Variants in PKD2L1 observed in about 807,000 individuals in gnomAD.
PKD2L1 encodes the protein polycystin-2-like protein 1.
In PKD2L1, 77 loss-of-function variants were observed where a neutral mutation model predicts 93.0. That is an observed-to-expected ratio of 0.83 (90% confidence interval 0.69 to 1.00). The LOEUF (loss-of-function observed/expected upper bound fraction) is 1.00. Among genes scored for constraint, PKD2L1 ranks in the 50% least tolerant of loss-of-function variants. The pLI, the probability that PKD2L1 is intolerant of heterozygous loss-of-function variation, is 0.00. For synonymous variants in PKD2L1, 390 were observed against 388.0 expected (o/e 1.01, Z -0.06); for missense variants, 977 against 990.9 (o/e 0.99, Z 0.19).
At chr10:100,297,684 G>A in intron 4 of PKD2L1, 78 bp from the exon 5 acceptor site, 1 of 985,750 alleles carries the variant, frequency 1.0e-6, no homozygotes, top group Non-Finnish European at 1.6e-6. Context: ...CATTGTCTGG[G>A]CTTTACAGGT....
chr10:100,288,671 T>C (rs886566457), intron 15 of PKD2L1, among the ~76,000 whole-genome samples, 193 bp from the exon 16 acceptor site: 2 of 151,052 alleles, frequency 1.3e-5, no homozygotes, highest in South Asian at 2.1e-4. Flanking sequence ...TTATCCTGTT[T>C]GTTAACTTTT....
intron 2 of PKD2L1, among the ~76,000 whole-genome samples, chr10:100,301,648 C>T (rs1396443233): frequency 6.6e-6 from 1 of 152,166 alleles, no homozygotes; most frequent in Non-Finnish European, 1.5e-5. Flanking sequence ...TTATCCTGTT[C>T]TCAAGGTGCC....
chr10:100,291,484 A>G (rs1261887779), intron 11 of PKD2L1, 57 bp from the exon 12 acceptor site: 12 of 1,583,060 alleles, frequency 7.6e-6, no homozygotes, highest in Non-Finnish European at 9.5e-6. Context: ...CCTCTCAGTT[A>G]TGGACTTCCT....
Position 100,322,399 on chromosome 10 carries a change from C to T in PKD2L1, c.349+6812G>A, listed in dbSNP as rs184910629. The stretch of plus-strand genomic sequence containing the variant: ...AAAATTAGCCGGGCATGGTCGTGGG[C>T]GCCTGTAATCCCAGGTACACGGGAG... On this transcript the variant is annotated intron_variant, in intron 2 of 15. Transcript: ENST00000318222. 1.9e-3 allele frequency among the ~76,000 whole-genome samples: 294 copies of T among 151,756 alleles called. 2 individuals are homozygous for T. The highest frequency in any genetic ancestry group is 6.9e-3 in the African/African-American group (284 of 41,340).
At chr10:100,321,687 GAA>G (rs1246810164) in intron 2 of PKD2L1, among the ~76,000 whole-genome samples, 2 of 1,240 alleles carry the variant, frequency 1.6e-3, no homozygotes, top group Admixed American at 7.1e-3. Flanking sequence ...AAGAAAGAAA[GAA>G]AGAAAGAAAG....
intron 2 of PKD2L1, among the ~76,000 whole-genome samples, chr10:100,325,946 G>A (rs1386430367): frequency 6.6e-6 from 1 of 152,176 alleles, no homozygotes; most frequent in Non-Finnish European, 1.5e-5. Flanking sequence ...GATAATTGGG[G>A]AAGCGCCAGA....
chr10:100,327,121 G>A (rs896397069), intron 2 of PKD2L1, among the ~76,000 whole-genome samples: 6 of 152,162 alleles, frequency 3.9e-5, no homozygotes, highest in African/African-American at 1.2e-4. Context: ...TCAGTCCAAC[G>A]TCTGGCTCAG....
At position 100,330,165 on chromosome 10, in the gene PKD2L1, G is replaced by C; in HGVS notation, c.-62C>G. The C allele has an allele frequency of 9.4e-7, 1 of 1,064,312 alleles. No individual in the cohort carries two copies. Among genetic ancestry groups the C allele is most frequent in the Non-Finnish European group, 1.4e-6 (1 of 725,312 alleles). The allele number at this position is 1,064,312 out of a possible 1,614,324, so 65.9% of individuals were successfully genotyped here. A position where few individuals can be genotyped will look rare whatever the true frequency, so the allele number is the denominator to read the frequency against. On this transcript the variant is annotated 5_prime_UTR_variant, in exon 1 of 16. Coordinates refer to ENST00000318222, the MANE Select transcript of PKD2L1 (RefSeq NM_016112.3). ...CCACTCTCAGCTAGAGGAAGAGGGA[G>C]CAGAGGCACAGCCCAGCCTAGCCAG...
chr10:100,299,986 T>C (rs1364800007), intron 2 of PKD2L1, among the ~76,000 whole-genome samples: 1 of 152,236 alleles, frequency 6.6e-6, no homozygotes, highest in African/African-American at 2.4e-5. Flanking sequence ...TACATTGTTA[T>C]TATAAAAATA....
rs766916512 is a variant in PKD2L1, at chr10:100,297,423, G to A, written c.915C>T (p.Phe305=). 13 of 1,614,148 alleles carry A rather than the reference G, an allele frequency of 8.1e-6. No homozygotes were observed. In the South Asian group the frequency reaches 1.4e-4, roughly 18 times the overall value. Residue 305 remains phenylalanine (F), a synonymous_variant, in exon 5 of 16, where the codon TTC becomes TTT. Coordinates refer to ENST00000318222, the MANE Select transcript of PKD2L1 (RefSeq NM_016112.3). The stretch of plus-strand genomic sequence containing the variant: ...GATTGATATTGGCATTGTAGACTGA[G>A]AAGTCGATGAACACCACTCGAGTGC... The part of the protein sequence containing the change: ...DRGTRVVFID[F]SVYNANINLF...
chr10:100,302,070 T>A (rs939741268), intron 2 of PKD2L1, among the ~76,000 whole-genome samples: 1 of 152,282 alleles, frequency 6.6e-6, no homozygotes, highest in South Asian at 2.1e-4. Context: ...CCTGACCTCA[T>A]GTGATCCGCC....
At chr10:100,314,186 C>A (rs1163442591) in intron 2 of PKD2L1, among the ~76,000 whole-genome samples, 1 of 152,068 alleles carries the variant, frequency 6.6e-6, no homozygotes, top group African/African-American at 2.4e-5. Flanking sequence ...TCCTGAAACA[C>A]CTTTATCAAA....
At chr10:100,322,880 T>C (rs1008887997) in intron 2 of PKD2L1, among the ~76,000 whole-genome samples, 1 of 152,250 alleles carries the variant, frequency 6.6e-6, no homozygotes, top group Non-Finnish European at 1.5e-5. Flanking sequence ...GATTCCTCTT[T>C]CTTCACTTGC....
intron 2 of PKD2L1, among the ~76,000 whole-genome samples, chr10:100,305,652 G>A (rs900706933): frequency 1.3e-5 from 2 of 152,256 alleles, no homozygotes; most frequent in African/African-American, 4.8e-5. Context: ...CCTACACAGC[G>A]TGAAGGTAGA....
At position 100,288,411 on chromosome 10, in the gene PKD2L1, C is replaced by A; in HGVS notation, c.2403G>T (p.Thr801=). The change falls in exon 16 of 16, where the codon ACG becomes ACT. Residue 801 remains threonine, a synonymous_variant. Transcript: ENST00000318222. ...TGCCTCACACTTAACTCCTCTGCAA[C>A]GTTGGAATCTCACCACGGGAGAGTC... ...ERRLSRGEIP[T]LQRS 3.7e-6 allele frequency: 6 copies of A among 1,610,486 alleles called. No individual in the cohort carries two copies. The highest frequency in any genetic ancestry group is 5.1e-6 in the Non-Finnish European group (6 of 1,176,648).
intron 12 of PKD2L1, 33 bp from the exon 13 acceptor site, chr10:100,290,552 G>A: frequency 7.1e-7 from 1 of 1,399,630 alleles, no homozygotes; most frequent in Non-Finnish European, 1.0e-6. Flanking sequence ...GAGGGGAGGA[G>A]ATAACTCTGG....
chr10:100,301,393 G>A (rs535103487), intron 2 of PKD2L1, among the ~76,000 whole-genome samples: 1 of 151,952 alleles, frequency 6.6e-6, no homozygotes, highest in Admixed American at 6.5e-5. Context: ...TGGCCAGGGC[G>A]TGTTTCATCT....
Position 100,288,188 on chromosome 10 carries a change from C to A in PKD2L1, c.*208G>T. ...TTTATTGATAGCCACCATGGAAACCCACATGGTCTTATGGAAGAATAATGT... is the reference window on the plus strand; with the variant it reads ...TTTATTGATAGCCACCATGGAAACCAACATGGTCTTATGGAAGAATAATGT... On this transcript the variant is annotated 3_prime_UTR_variant, in exon 16 of 16. Coordinates refer to ENST00000318222, the MANE Select transcript of PKD2L1 (RefSeq NM_016112.3). 1 of 505,528 alleles carries A rather than the reference C, an allele frequency of 2.0e-6. No homozygotes were observed. The highest frequency in any genetic ancestry group is 3.5e-6 in the Non-Finnish European group (1 of 282,120). The allele number at this position is 505,528 out of a possible 1,614,324, so 31.3% of individuals were successfully genotyped here. A position where few individuals can be genotyped will look rare whatever the true frequency, so the allele number is the denominator to read the frequency against.
At position 100,297,498 on chromosome 10, in the gene PKD2L1, A is replaced by G. The variant is rs766713109; in HGVS notation, c.840T>C (p.Gly280=). ...YYLDLPGSRQ[G]SAEALRALQE... is the part of the protein sequence containing the mutation. ...GAAGGGCCCGGAGAGCCTCTGCACTACCCTGTCGGGATCCTGGAAGGTCCA... is the reference window on the plus strand; with the variant it reads ...GAAGGGCCCGGAGAGCCTCTGCACTGCCCTGTCGGGATCCTGGAAGGTCCA... Residue 280 remains glycine, a synonymous_variant, in exon 5 of 16, where the codon GGT becomes GGC. Transcript: ENST00000318222. The G allele has an allele frequency of 2.5e-6, 4 of 1,613,960 alleles. No individual in the cohort carries two copies. The highest frequency in any genetic ancestry group is 2.7e-5 in the African/African-American group (2 of 74,882).
Sources: allele counts gnomAD v4.1 joint callset (sites outside exome capture counted in the v4.1 genomes callset), GRCh38; gene constraint gnomAD v4.1.1; transcripts MANE v1.5; gene names NCBI Gene and HGNC (gene_info 2026-07-23, HGNC 2026-07-21).